Variants in SGCD observed in about 807,000 individuals in gnomAD.
SGCD encodes sarcoglycan delta.
SGCD carries 18 observed loss-of-function variants against 36.6 expected under a neutral mutation model. That is an observed-to-expected ratio of 0.49 (90% CI 0.34 to 0.73). The LOEUF (loss-of-function observed/expected upper bound fraction) is 0.73. Ranked by LOEUF, SGCD falls within the 30% of genes least tolerant of loss-of-function variation. The pLI is 0.01. For synonymous variants in SGCD, 133 were observed against 130.6 expected (o/e 1.02, Z -0.12); for missense variants, 387 against 346.7 (o/e 1.12, Z -0.92).
At chr5:156,101,098 G>T (rs779843070) in intron 1 of SGCD, among the ~76,000 whole-genome samples, 10 of 152,164 alleles carry the variant, frequency 6.6e-5, no homozygotes, top group Non-Finnish European at 1.5e-4. Flanking sequence ...CAGAATGAGG[G>T]CAATTGCCAA....
At chr5:156,248,346 C>T (rs1486298122) in intron 3 of SGCD, among the ~76,000 whole-genome samples, 2 of 152,016 alleles carry the variant, frequency 1.3e-5, no homozygotes, top group African/African-American at 4.8e-5. Context: ...ATGGTGAAAC[C>T]CCGTCTCTAT....
At chr5:156,509,978 TTGCATTGTG>T (rs1756862113) in intron 4 of SGCD, among the ~76,000 whole-genome samples, 2 of 152,364 alleles carry the variant, frequency 1.3e-5, no homozygotes, top group South Asian at 4.1e-4. Flanking sequence ...AAAGCACTAC[TTGCATTGTG>T]TGCATTGATT....
intron 3 of SGCD, among the ~76,000 whole-genome samples, chr5:156,488,267 C>G (rs1755792171): frequency 6.6e-6 from 1 of 151,662 alleles, no homozygotes; most frequent in Non-Finnish European, 1.5e-5. Flanking sequence ...CATGTAATAG[C>G]TAAAAGCTTT....
chr5:156,190,768 A>G (rs528657257), intron 3 of SGCD, among the ~76,000 whole-genome samples: 1 of 152,228 alleles, frequency 6.6e-6, no homozygotes, highest in South Asian at 2.1e-4. Context: ...TTCCACTTCA[A>G]AGTACCCTAT....
intron 3 of SGCD, among the ~76,000 whole-genome samples, chr5:156,359,003 GA>G (rs1213903686): frequency 6.6e-6 from 1 of 151,866 alleles, no homozygotes; most frequent in Non-Finnish European, 1.5e-5. Context: ...TGGGATTCAA[GA>G]AAAATTAAAA....
chr5:155,736,006 T>A, the SGCD span, among the ~76,000 whole-genome samples: 1 of 152,144 alleles, frequency 6.6e-6, no homozygotes, highest in Non-Finnish European at 1.5e-5. Flanking sequence ...AACCCTTTTT[T>A]AGATGGGAAG....
intron 7 of SGCD, among the ~76,000 whole-genome samples, chr5:156,709,889 C>T (rs963071990): frequency 3.7e-5 from 5 of 133,794 alleles, no homozygotes; most frequent in African/African-American, 1.4e-4. Flanking sequence ...GGAAGGGAAT[C>T]AACAAGAAAA....
chr5:156,175,381 G>A (rs1031481948), intron 3 of SGCD, among the ~76,000 whole-genome samples: 1 of 151,384 alleles, frequency 6.6e-6, no homozygotes, highest in Non-Finnish European at 1.5e-5. Flanking sequence ...AATTTGCCTG[G>A]CTCTTATTTT....
At chr5:156,618,410 A>G (rs2113486825) in intron 6 of SGCD, among the ~76,000 whole-genome samples, 1 of 152,230 alleles carries the variant, frequency 6.6e-6, no homozygotes. Context: ...TAGATCATAA[A>G]CATACAGTTC....
chr5:156,705,722 A>C (rs1311045235), intron 7 of SGCD, among the ~76,000 whole-genome samples: 1 of 152,156 alleles, frequency 6.6e-6, no homozygotes, highest in African/African-American at 2.4e-5. Flanking sequence ...ATTAGCTTGC[A>C]CTGATTCTGC....
At chr5:155,938,230 A>G (rs1757251304) in intron 1 of SGCD, among the ~76,000 whole-genome samples, 1 of 152,204 alleles carries the variant, frequency 6.6e-6, no homozygotes, top group Non-Finnish European at 1.5e-5. Flanking sequence ...ATTTGATGGC[A>G]GCCCTGCCAC....
intron 3 of SGCD, among the ~76,000 whole-genome samples, chr5:156,273,833 G>C (rs769627472): frequency 6.6e-6 from 1 of 152,170 alleles, no homozygotes; most frequent in African/African-American, 2.4e-5. Flanking sequence ...AGCTAAAATT[G>C]GTAGCTTGAG....
Position 156,109,722 on chromosome 5 carries a change from C to T in SGCD, c.-281-8156C>T, listed in dbSNP as rs188496300. On this transcript the variant is annotated intron_variant, in intron 1 of 9. Coordinates refer to the SGCD transcript ENST00000517913. ...AACCCCCTTCAGCCTCCATCTCATG[C>T]CCCTCTCTCTGATGTCTCAGATGTG... Among the ~76,000 whole-genome samples the T allele has an allele frequency of 1.4e-3, 210 of 152,288 alleles. 1 individual carries two copies. The highest frequency in any genetic ancestry group is 2.4e-3 in the Non-Finnish European group (163 of 68,022).
rs1761446502 is a variant in SGCD, at chr5:156,606,232, A to G, written c.502+11181A>G. Among the ~76,000 whole-genome samples, 3 of 152,364 alleles carry G rather than the reference A, an allele frequency of 2.0e-5. No homozygotes were observed. In the East Asian group the frequency reaches 5.8e-4, roughly 29 times the overall value. ...TGAATTAATTTTTGTATAAGGTCTAAGGAAGGGATCCAGTTTCAGCTTTCT... is the reference window on the plus strand; with the variant it reads ...TGAATTAATTTTTGTATAAGGTCTAGGGAAGGGATCCAGTTTCAGCTTTCT... On this transcript the variant is annotated intron_variant, in intron 6 of 8. Transcript: ENST00000337851.
intron 4 of SGCD, among the ~76,000 whole-genome samples, chr5:156,562,411 A>G (rs1218108891): frequency 1.3e-5 from 2 of 152,118 alleles, no homozygotes; most frequent in Non-Finnish European, 2.9e-5. Flanking sequence ...ATCCTGGCCA[A>G]AGTGAAAGGC....
chr5:156,682,388 G>A (rs1753753668), intron 7 of SGCD, among the ~76,000 whole-genome samples: 1 of 152,180 alleles, frequency 6.6e-6, no homozygotes, highest in Admixed American at 6.5e-5. Context: ...AAGTGTACAA[G>A]TTAAATAGGT....
chr5:155,982,690 A>G (rs1253702260), intron 1 of SGCD, among the ~76,000 whole-genome samples: 1 of 152,074 alleles, frequency 6.6e-6, no homozygotes, highest in Admixed American at 6.6e-5. Flanking sequence ...GAATTTAGAG[A>G]CCTAATTACC....
chr5:156,749,080 C>A (rs1340994322), intron 7 of SGCD, among the ~76,000 whole-genome samples: 1 of 151,974 alleles, frequency 6.6e-6, no homozygotes, highest in Non-Finnish European at 1.5e-5. Context: ...TTTTAAGGAA[C>A]TGATGTTATA....
At chr5:156,209,511 C>T (rs1764379831) in intron 3 of SGCD, among the ~76,000 whole-genome samples, 1 of 152,224 alleles carries the variant, frequency 6.6e-6, no homozygotes, top group African/African-American at 2.4e-5. Context: ...AAGGCCTGCC[C>T]AGCGCTAAGC....
Sources: allele counts gnomAD v4.1 joint callset (sites outside exome capture counted in the v4.1 genomes callset), GRCh38; gene constraint gnomAD v4.1.1; transcripts MANE v1.5; gene names NCBI Gene and HGNC (gene_info 2026-07-23, HGNC 2026-07-21).